Variants in PPM1H observed in about 807,000 individuals in gnomAD.
PPM1H encodes protein phosphatase, Mg2+/Mn2+ dependent 1H.
A neutral mutation model predicts 54.9 loss-of-function variants in PPM1H; 27 were observed. That is an observed-to-expected ratio of 0.49 (90% CI 0.36 to 0.68). The LOEUF is 0.68. PPM1H is among the 30% of genes least tolerant of loss of function. The pLI, the probability that PPM1H is intolerant of heterozygous loss-of-function variation, is 0.00. For missense variants in PPM1H, 596 were observed against 667.8 expected (o/e 0.89, Z 1.19); for synonymous variants, 305 against 270.8 (o/e 1.13, Z -1.24).
chr12:62,931,812 A>G (rs1266520266), intron 1 of PPM1H, among the ~76,000 whole-genome samples: 1 of 152,222 alleles, frequency 6.6e-6, no homozygotes, highest in Non-Finnish European at 1.5e-5. Flanking sequence ...CTAAAGAGTA[A>G]GCATTAACTA....
chr12:62,855,448 A>AGGTT (rs1006299510), intron 1 of PPM1H, among the ~76,000 whole-genome samples: 4 of 152,182 alleles, frequency 2.6e-5, no homozygotes, highest in African/African-American at 7.2e-5. Flanking sequence ...GAGCAGAAAC[A>AGGTT]GGTTGTCATG....
intron 1 of PPM1H, among the ~76,000 whole-genome samples, chr12:62,882,380 A>G (rs1870428741): frequency 6.6e-6 from 1 of 152,264 alleles, no homozygotes; most frequent in South Asian, 2.1e-4. Context: ...CAGGCAGCCA[A>G]GGCTTTGCCC....
At chr12:62,829,440 C>A (rs1424176208) in intron 2 of PPM1H, among the ~76,000 whole-genome samples, 2 of 152,104 alleles carry the variant, frequency 1.3e-5, no homozygotes, top group African/African-American at 4.8e-5. Flanking sequence ...GATGGTTGTA[C>A]AAACATGTGA....
At chr12:62,704,277 C>T (rs1239367807) in intron 6 of PPM1H, among the ~76,000 whole-genome samples, 1 of 152,122 alleles carries the variant, frequency 6.6e-6, no homozygotes, top group African/African-American at 2.4e-5. Context: ...CACCCTCTAT[C>T]CAGCTGGGAG....
intron 6 of PPM1H, among the ~76,000 whole-genome samples, chr12:62,700,922 A>T (rs1565761243): frequency 2.0e-5 from 3 of 151,756 alleles, no homozygotes; most frequent in Admixed American, 1.3e-4. Context: ...TTCCTGCTTT[A>T]TTTTTTTTCC....
intron 6 of PPM1H, among the ~76,000 whole-genome samples, chr12:62,706,484 C>A (rs896571392): frequency 6.6e-6 from 1 of 152,230 alleles, no homozygotes; most frequent in African/African-American, 2.4e-5. Context: ...TCACGCCCAG[C>A]AGTTAACGGA....
intron 6 of PPM1H, among the ~76,000 whole-genome samples, chr12:62,712,706 A>G (rs1466049851): frequency 1.3e-5 from 2 of 152,212 alleles, no homozygotes; most frequent in Non-Finnish European, 2.9e-5. Context: ...AAGGTAGGCT[A>G]ATAACGCTGA....
intron 9 of PPM1H, among the ~76,000 whole-genome samples, chr12:62,664,937 G>T (rs2075908160): frequency 1.3e-5 from 2 of 148,696 alleles, no homozygotes; most frequent in Non-Finnish European, 3.0e-5. Flanking sequence ...CCCACCATTG[G>T]CACCGTTTAC....
At chr12:62,729,822 A>G (rs760953943) in intron 5 of PPM1H, among the ~76,000 whole-genome samples, 5 of 152,134 alleles carry the variant, frequency 3.3e-5, no homozygotes, top group Non-Finnish European at 5.9e-5. Context: ...CCATCCTGTG[A>G]TTATTTCATT....
chr12:62,901,231 C>T (rs1871157618), intron 1 of PPM1H, among the ~76,000 whole-genome samples: 2 of 152,208 alleles, frequency 1.3e-5, no homozygotes, highest in Admixed American at 6.5e-5. Context: ...TGGGCAACAG[C>T]CAATCACTTT....
At chr12:62,672,420 T>C (rs1313760301) in intron 8 of PPM1H, among the ~76,000 whole-genome samples, 1 of 152,220 alleles carries the variant, frequency 6.6e-6, no homozygotes, top group African/African-American at 2.4e-5. Flanking sequence ...CAGGGCCCAC[T>C]TTTCTGTCTC....
intron 1 of PPM1H, among the ~76,000 whole-genome samples, chr12:62,861,163 C>T (rs1034946394): frequency 2.6e-5 from 4 of 152,222 alleles, no homozygotes; most frequent in South Asian, 2.1e-4. Context: ...CCACTTGCTT[C>T]TTTACTAGCA....
chr12:62,850,142 C>A (rs1373924985), intron 1 of PPM1H, among the ~76,000 whole-genome samples: 1 of 151,548 alleles, frequency 6.6e-6, no homozygotes, highest in East Asian at 1.9e-4. Context: ...TTTTTCTATA[C>A]TTTTTGTAGA....
chr12:62,846,522 T>A (rs1868976491), intron 1 of PPM1H, among the ~76,000 whole-genome samples: 1 of 151,912 alleles, frequency 6.6e-6, no homozygotes, highest in Non-Finnish European at 1.5e-5. Flanking sequence ...ATTTTTTTTT[T>A]TTTTAACTTT....
chr12:62,835,945 A>G (rs889893888), intron 1 of PPM1H, among the ~76,000 whole-genome samples: 20 of 152,250 alleles, frequency 1.3e-4, no homozygotes, highest in African/African-American at 4.8e-4. Flanking sequence ...AAAGTAATTG[A>G]GAAAAACTTT....
At chr12:62,755,745 CATGA>C (rs58312844) in intron 4 of PPM1H, 67,464 of 826,342 alleles carry the variant, frequency 0.082, 2,966 homozygotes, top group African/African-American at 0.13. Context: ...TGGAAGGACT[CATGA>C]ATGACCACAG....
intron 1 of PPM1H, among the ~76,000 whole-genome samples, chr12:62,908,422 A>AAGAAAG (rs1555205220): frequency 7.5e-6 from 1 of 134,176 alleles, no homozygotes; most frequent in Non-Finnish European, 1.6e-5. Context: ...AAAAAAAAAA[A>AAGAAAG]AAAGAAAGAA....
intron 9 of PPM1H, among the ~76,000 whole-genome samples, chr12:62,653,724 G>T (rs569424014): frequency 6.6e-6 from 1 of 152,308 alleles, no homozygotes; most frequent in African/African-American, 2.4e-5. Context: ...GGGCAGTATG[G>T]ATTTCTGTAG....
intron 4 of PPM1H, among the ~76,000 whole-genome samples, chr12:62,744,383 A>G (rs1283342675): frequency 6.6e-6 from 1 of 150,544 alleles, no homozygotes; most frequent in Non-Finnish European, 1.5e-5. Flanking sequence ...AGGCAGGAGA[A>G]TTGCTTGAAC....
Sources: allele counts gnomAD v4.1 joint callset (sites outside exome capture counted in the v4.1 genomes callset), GRCh38; gene constraint gnomAD v4.1.1; transcripts MANE v1.5; gene names NCBI Gene and HGNC (gene_info 2026-07-23, HGNC 2026-07-21).